GRK5: variants seen among roughly 807,000 people sequenced by gnomAD.
GRK5 encodes the protein g protein-coupled receptor kinase GRK5.
In GRK5, 40 loss-of-function variants were observed where a neutral mutation model predicts 78.4. The observed-to-expected ratio is 0.51, with a 90% CI of 0.40 to 0.66. The LOEUF is 0.66. Among genes scored for constraint, GRK5 ranks in the 30% least tolerant of loss-of-function variants. The pLI is 0.00. For synonymous variants in GRK5, 289 were observed against 296.8 expected (o/e 0.97, Z 0.27); for missense variants, 598 against 759.9 (o/e 0.79, Z 2.50).
At chr10:119,230,581 C>A (rs562672827) in intron 1 of GRK5, among the ~76,000 whole-genome samples, 2 of 152,172 alleles carry the variant, frequency 1.3e-5, no homozygotes, top group Non-Finnish European at 2.9e-5. Flanking sequence ...CCCCATGATT[C>A]AGTTACCTCC....
chr10:119,336,092 T>G lies in GRK5; in HGVS notation c.148+9481T>G, dbSNP rs1395937014. ...GAGAAGCTGAATCGGCTACACATGA[T>G]GGATGAGGCCAGCTGTTTTTGTGCT... On this transcript the variant is annotated intron_variant, in intron 2 of 15. Coordinates refer to ENST00000392870, the MANE Select transcript of GRK5 (RefSeq NM_005308.3). This position sits in a 1 kb window ranked among gnomAD's most constrained non-coding sequence, Gnocchi z 4.5. 6.6e-6 allele frequency: 1 copy of G among 152,382 alleles called. No homozygotes were observed. Among genetic ancestry groups the G allele is most frequent in the Non-Finnish European group, 1.5e-5 (1 of 68,162 alleles). 9.4% of individuals were successfully genotyped at this position (152,382 alleles called of 1,614,324 possible).
At chr10:119,313,802 G>T (rs971855413) in intron 1 of GRK5, among the ~76,000 whole-genome samples, 2 of 152,178 alleles carry the variant, frequency 1.3e-5, no homozygotes, top group East Asian at 1.9e-4. Context: ...CCATCCCCAT[G>T]GCGACCAGTT....
chr10:119,212,136 C>T (rs951756375), intron 1 of GRK5, among the ~76,000 whole-genome samples: 5 of 152,050 alleles, frequency 3.3e-5, no homozygotes, highest in Admixed American at 2.0e-4. Flanking sequence ...AACACAATGC[C>T]GTTAAATCAA....
chr10:119,360,173 T>TGAGGCTGAAG (rs1418818552), intron 2 of GRK5, among the ~76,000 whole-genome samples: 1 of 151,868 alleles, frequency 6.6e-6, no homozygotes, highest in Non-Finnish European at 1.5e-5. Flanking sequence ...TGAGGGAGGC[T>TGAGGCTGAAG]GAGGCTGAAG....
intron 3 of GRK5, among the ~76,000 whole-genome samples, chr10:119,394,382 G>GTGTC: frequency 9.5e-6 from 1 of 105,718 alleles, no homozygotes; most frequent in Admixed American, 8.2e-5. Context: ...GTGTCGGTGT[G>GTGTC]TGTATCTGTG....
At chr10:119,326,461 G>A in intron 1 of GRK5, 55 bp from the exon 2 acceptor site, 3 of 1,461,476 alleles carry the variant, frequency 2.1e-6, no homozygotes, top group African/African-American at 2.8e-5. Flanking sequence ...GCTCACTGCG[G>A]GGACGCCGCA....
intron 3 of GRK5, among the ~76,000 whole-genome samples, chr10:119,394,154 CTGTGTGTGGGTTTGA>C (rs1564916679): frequency 3.6e-4 from 8 of 22,002 alleles, no homozygotes; most frequent in South Asian, 1.6e-3. Context: ...GTATGTGTGT[CTGTGTGTGGGTTTGA>C]GTGTGTGTGT....
intron 10 of GRK5, 33 bp downstream of exon 10, chr10:119,439,801 G>A (rs1472853477): frequency 6.2e-7 from 1 of 1,604,190 alleles, no homozygotes; most frequent in African/African-American, 1.3e-5. Context: ...GCTGAGGTGA[G>A]CATTGCAACC....
chr10:119,275,613 G>GCACACACA lies in GRK5; in HGVS notation c.53-50876_53-50869dup, dbSNP rs796867686. Reference sequence around the variant, plus strand: ...CTCTCTCTCTCTCTCTCTCTCTCTCGCACACACACACACACACACACACAC... The same window carrying GCACACACA: ...CTCTCTCTCTCTCTCTCTCTCTCTCGCACACACACACACACACACACACACACACACAC... On this transcript the variant is annotated intron_variant, in intron 1 of 15. Coordinates refer to ENST00000392870, the MANE Select transcript of GRK5 (RefSeq NM_005308.3). Among the ~76,000 whole-genome samples, 57 of 120,754 alleles carry GCACACACA rather than the reference G, an allele frequency of 4.7e-4. 1 individual carries two copies. Among genetic ancestry groups the GCACACACA allele is most frequent in the South Asian group, 1.4e-3 (5 of 3,662 alleles). The allele number at this position is 120,754 out of a possible 152,430, so 79.2% of individuals were successfully genotyped here.
rs1184359890 is a variant in GRK5, at chr10:119,253,578, G to T, written c.52+45609G>T. ...GCTGCCCCACCACGGCTGGAACCAGGGCTTCAGCCCGGCGCACACCCAGCT... is the reference window on the plus strand; with the variant it reads ...GCTGCCCCACCACGGCTGGAACCAGTGCTTCAGCCCGGCGCACACCCAGCT... On this transcript the variant is annotated intron_variant, in intron 1 of 15. Transcript: ENST00000392870. The surrounding 1 kb of genome is among the most constrained non-coding windows in gnomAD (Gnocchi z 5.7). Among the ~76,000 whole-genome samples the T allele has an allele frequency of 6.6e-6, 1 of 152,198 alleles. No individual in the cohort carries two copies. Among genetic ancestry groups the T allele is most frequent in the Non-Finnish European group, 1.5e-5 (1 of 68,042 alleles).
intron 4 of GRK5, among the ~76,000 whole-genome samples, chr10:119,417,871 GC>G (rs1300030768): frequency 6.6e-6 from 1 of 152,174 alleles, no homozygotes; most frequent in Non-Finnish European, 1.5e-5. Flanking sequence ...TTTTCTCCGT[GC>G]CCTGTGGTGC....
At chr10:119,261,046 A>G (rs1450601286) in intron 1 of GRK5, among the ~76,000 whole-genome samples, 2 of 86,202 alleles carry the variant, frequency 2.3e-5, no homozygotes, top group African/African-American at 8.5e-5. Context: ...TGACCCCCCC[A>G]CCTCCCTCCC....
chr10:119,436,290 C>T (rs1357716989), intron 8 of GRK5, among the ~76,000 whole-genome samples: 1 of 152,232 alleles, frequency 6.6e-6, no homozygotes, highest in Non-Finnish European at 1.5e-5. Context: ...GCAAGTGAGC[C>T]CTGCTTTTCT....
chr10:119,221,152 T>C (rs1245587654), intron 1 of GRK5, among the ~76,000 whole-genome samples: 1 of 150,256 alleles, frequency 6.7e-6, no homozygotes, highest in Admixed American at 6.6e-5. Flanking sequence ...TAAAACTATA[T>C]CTCGGAAAAA....
At chr10:119,444,706 C>T (rs1176738752) in intron 12 of GRK5, among the ~76,000 whole-genome samples, 1 of 152,174 alleles carries the variant, frequency 6.6e-6, no homozygotes, top group Non-Finnish European at 1.5e-5. Context: ...CTCCCTGGAG[C>T]CACAGATGTA....
chr10:119,218,074 T>TTGTGTGTGTGTGTGTGTG (rs59742803), intron 1 of GRK5, among the ~76,000 whole-genome samples: 73 of 146,582 alleles, frequency 5.0e-4, no homozygotes, highest in East Asian at 3.2e-3. Flanking sequence ...GTCAACCCGT[T>TTGTGTGTGTGTGTGTGTG]TGTGTGTGTG....
chr10:119,311,131 T>C (rs1258393693), intron 1 of GRK5, among the ~76,000 whole-genome samples: 1 of 152,186 alleles, frequency 6.6e-6, no homozygotes, highest in Non-Finnish European at 1.5e-5. Flanking sequence ...GTGGCTTATT[T>C]GTTGTTGTTT....
intron 3 of GRK5, among the ~76,000 whole-genome samples, chr10:119,394,232 G>A (rs111217678): frequency 0.065 from 1,392 of 21,446 alleles, 57 homozygotes; most frequent in Middle Eastern, 0.11. Flanking sequence ...GTGGGTGTGG[G>A]TGTGTGGGTG....
At chr10:119,326,443 G>C in intron 1 of GRK5, 73 bp from the exon 2 acceptor site, 2 of 1,242,624 alleles carry the variant, frequency 1.6e-6, no homozygotes, top group African/African-American at 1.5e-5. Context: ...CAGGAGGCTG[G>C]TGGGCAGGCT....
Sources: gnomAD v4.1 joint callset for allele counts (sites outside exome capture counted in the v4.1 genomes callset) on GRCh38, gnomAD v4.1.1 for gene constraint, Gnocchi (gnomAD v3.1) non-coding constraint, MANE v1.5 for transcripts, NCBI Gene and HGNC (gene_info 2026-07-23, HGNC 2026-07-21) for gene names.